Variants in FAM24B observed in about 807,000 individuals in gnomAD.
FAM24B encodes the protein protein FAM24B.
FAM24B carries 3 observed loss-of-function variants against 2.3 expected under a neutral mutation model. That is an observed-to-expected ratio of 1.29 (90% confidence interval 0.59 to 3.32). The LOEUF is 3.32. FAM24B is among the 30% of genes most tolerant of loss of function. The probability of loss-of-function intolerance (pLI) is 0.03; values close to 1 mark genes in which losing one functional copy is unlikely to be tolerated. For synonymous variants in FAM24B, 36 were observed against 46.3 expected (o/e 0.78, Z 0.90); for missense variants, 98 against 117.2 (o/e 0.84, Z 0.76).
intron 1 of FAM24B, among the ~76,000 whole-genome samples, chr10:122,857,049 C>T (rs1426310434): frequency 1.3e-5 from 2 of 152,192 alleles, no homozygotes; most frequent in African/African-American, 2.4e-5. Context: ...GGCCCAAAGC[C>T]ACTCTCAGCT....
At chr10:122,866,488 T>A (rs1847806172) in intron 1 of FAM24B, among the ~76,000 whole-genome samples, 2 of 152,074 alleles carry the variant, frequency 1.3e-5, no homozygotes, top group South Asian at 4.1e-4. Context: ...TTTTGCAAAC[T>A]GAAGATTTCT....
At chr10:122,865,846 G>T (rs1330141577) in intron 1 of FAM24B, among the ~76,000 whole-genome samples, 2 of 148,776 alleles carry the variant, frequency 1.3e-5, no homozygotes, top group South Asian at 2.1e-4. Flanking sequence ...TGGGTACATT[G>T]TATCTTTCAG....
chr10:122,863,226 T>TTACACTGA (rs1396165294), intron 1 of FAM24B, among the ~76,000 whole-genome samples: 11 of 152,216 alleles, frequency 7.2e-5, no homozygotes, highest in Admixed American at 2.0e-4. Context: ...ATAGCTGATA[T>TTACACTGA]TACACTGATT....
chr10:122,860,559 T>A (rs1339442198), intron 1 of FAM24B, among the ~76,000 whole-genome samples: 1 of 152,236 alleles, frequency 6.6e-6, no homozygotes, highest in Non-Finnish European at 1.5e-5. Flanking sequence ...GGTTGTGTAT[T>A]CAGTGTATGT....
chr10:122,870,775 G>A (rs1242927108), intron 1 of FAM24B, among the ~76,000 whole-genome samples: 2 of 152,072 alleles, frequency 1.3e-5, no homozygotes, highest in Non-Finnish European at 2.9e-5. Context: ...AGGTATTGAC[G>A]GGACGTATCT....
At chr10:122,860,611 T>C (rs557568724) in intron 1 of FAM24B, among the ~76,000 whole-genome samples, 17 of 152,352 alleles carry the variant, frequency 1.1e-4, no homozygotes, top group African/African-American at 4.1e-4. Flanking sequence ...ACAGAGTGCT[T>C]GTATCATTTT....
chr10:122,874,740 CG>C (rs146493686), intron 1 of FAM24B, among the ~76,000 whole-genome samples: 8,899 of 152,238 alleles, frequency 0.058, 377 homozygotes, highest in Middle Eastern at 0.15. Context: ...CTACAGCCTG[CG>C]GGCTGTATAC....
At chr10:122,857,215 C>A (rs1269317075) in intron 1 of FAM24B, among the ~76,000 whole-genome samples, 3 of 152,202 alleles carry the variant, frequency 2.0e-5, no homozygotes, top group African/African-American at 4.8e-5. Flanking sequence ...TTTTGATTAG[C>A]TCAAAGTCAG....
At chr10:122,873,490 A>C (rs1487437270) in intron 1 of FAM24B, among the ~76,000 whole-genome samples, 1 of 152,242 alleles carries the variant, frequency 6.6e-6, no homozygotes, top group African/African-American at 2.4e-5. Context: ...AGGGCCACCC[A>C]AGAGCTCGGA....
At chr10:122,876,360 C>CG (rs1847977127) in intron 1 of FAM24B, among the ~76,000 whole-genome samples, 1 of 152,216 alleles carries the variant, frequency 6.6e-6, no homozygotes, top group African/African-American at 2.4e-5. Context: ...TGGTAAAGTA[C>CG]TTTCCCTTGA....
chr10:122,875,809 A>G (rs113981309), intron 1 of FAM24B, among the ~76,000 whole-genome samples: 3,901 of 152,228 alleles, frequency 0.026, 150 homozygotes, highest in African/African-American at 0.083. Flanking sequence ...CAGGAGTTGG[A>G]CAAGTGGGTT....
At chr10:122,877,375 C>T (rs1847991549) in intron 1 of FAM24B, among the ~76,000 whole-genome samples, 1 of 152,010 alleles carries the variant, frequency 6.6e-6, no homozygotes, top group South Asian at 2.1e-4. Flanking sequence ...AGGCTTGCTG[C>T]TGATTAGTTG....
chr10:122,876,429 C>T (rs1195536527), intron 1 of FAM24B, among the ~76,000 whole-genome samples: 3 of 152,206 alleles, frequency 2.0e-5, no homozygotes, highest in Non-Finnish European at 2.9e-5. Flanking sequence ...ACTTTGCCCC[C>T]TCCTTCTGCA....
At chr10:122,878,888 A>C (rs1352395120) in intron 1 of FAM24B, among the ~76,000 whole-genome samples, 1 of 151,844 alleles carries the variant, frequency 6.6e-6, no homozygotes, top group African/African-American at 2.4e-5. Context: ...CTTGCTCATG[A>C]AGTTTCAGAT....
chr10:122,876,496 A>G (rs1444341847), intron 1 of FAM24B, among the ~76,000 whole-genome samples: 1 of 152,236 alleles, frequency 6.6e-6, no homozygotes, highest in Non-Finnish European at 1.5e-5. Context: ...TGCAGCTCTG[A>G]AAAGTAAAAC....
chr10:122,849,678 T>G (rs1022923902), intron 3 of FAM24B, among the ~76,000 whole-genome samples: 1 of 151,970 alleles, frequency 6.6e-6, no homozygotes, highest in Admixed American at 6.6e-5. Context: ...GCAAGCAAGG[T>G]CACCCAACTG....
At chr10:122,867,550 C>T (rs1010702998) in intron 1 of FAM24B, among the ~76,000 whole-genome samples, 4 of 152,142 alleles carry the variant, frequency 2.6e-5, no homozygotes, top group Admixed American at 6.5e-5. Context: ...CTAGTAGGAG[C>T]GGACTGACAC....
intron 1 of FAM24B, among the ~76,000 whole-genome samples, chr10:122,867,464 T>C (rs945328955): frequency 2.0e-5 from 3 of 152,186 alleles, no homozygotes; most frequent in African/African-American, 7.2e-5. Context: ...AGCACACAGC[T>C]TGAGATCTGA....
chr10:122,857,663 T>C (rs952018670), intron 1 of FAM24B, among the ~76,000 whole-genome samples: 1 of 152,242 alleles, frequency 6.6e-6, no homozygotes, highest in Non-Finnish European at 1.5e-5. Context: ...ATGTATCTGT[T>C]TCCTTGTATT....
Sources: allele counts gnomAD v4.1 joint callset (sites outside exome capture counted in the v4.1 genomes callset), GRCh38; gene constraint gnomAD v4.1.1; transcripts MANE v1.5; gene names NCBI Gene and HGNC (gene_info 2026-07-23, HGNC 2026-07-21).